Variants in STAG3 observed in about 807,000 individuals in gnomAD.
STAG3 encodes STAG3 cohesin complex component.
In STAG3, 101 loss-of-function variants were observed where a neutral mutation model predicts 160.7. The observed-to-expected ratio is 0.63, with a 90% confidence interval of 0.54 to 0.74. The LOEUF is 0.74. Among genes scored for constraint, STAG3 ranks in the 30% least tolerant of loss-of-function variants. The pLI, the probability that STAG3 is intolerant of heterozygous loss-of-function variation, is 0.00. For missense variants in STAG3, 1,188 were observed against 1,517.4 expected (o/e 0.78, Z 3.61); for synonymous variants, 519 against 585.0 (o/e 0.89, Z 1.63).
intron 29 of STAG3, among the ~76,000 whole-genome samples, chr7:100,208,194 T>C (rs898164795): frequency 2.0e-5 from 3 of 152,152 alleles, no homozygotes; most frequent in African/African-American, 7.2e-5. Flanking sequence ...GTATATAGTG[T>C]GAGATGAGGT....
At chr7:100,214,415 C>CTGA (rs1451263951), downstream of STAG3, 1 of 247,588 alleles carries the variant, frequency 4.0e-6, no homozygotes, top group Non-Finnish European at 7.9e-6. Context: ...GATCGTTAAA[C>CTGA]TGATGGAGGT....
At chr7:100,217,684 T>C (rs969871448), downstream of STAG3, among the ~76,000 whole-genome samples, 4 of 152,086 alleles carry the variant, frequency 2.6e-5, no homozygotes, top group African/African-American at 9.7e-5. Context: ...TATCGATAGA[T>C]AAGGTCACAT....
At chr7:100,185,462 C>T (rs1424917102) in intron 4 of STAG3, among the ~76,000 whole-genome samples, 2 of 151,762 alleles carry the variant, frequency 1.3e-5, no homozygotes, top group Admixed American at 6.6e-5. Flanking sequence ...ATTAGCCAGG[C>T]GTGGTGGCGC....
chr7:100,199,003 A>C, intron 14 of STAG3, 46 bp downstream of exon 14: 2 of 1,568,890 alleles, frequency 1.3e-6, no homozygotes, highest in Non-Finnish European at 1.8e-6. Context: ...TAGGACCTAC[A>C]AGTGGGCTGG....
chr7:100,210,171 A>G (rs1405665352), intron 29 of STAG3, among the ~76,000 whole-genome samples: 1 of 152,182 alleles, frequency 6.6e-6, no homozygotes, highest in Non-Finnish European at 1.5e-5. Context: ...TGGGGCCCCA[A>G]GGTTTCCTCT....
At chr7:100,188,778 A>G in intron 6 of STAG3, 34 bp from the exon 7 acceptor site, 1 of 1,609,604 alleles carries the variant, frequency 6.2e-7, no homozygotes, top group Non-Finnish European at 8.5e-7. Flanking sequence ...ACCTGGTAAT[A>G]ACTTTCCCAT....
Position 100,199,247 on chromosome 7 carries a change from C to T in STAG3, c.1468-15C>T. Reference sequence around the variant, plus strand: ...AACATGCTATCATTAACTCCCCATGCACGTTCTCCCCTAGCTCCATGACCA... The same window carrying T: ...AACATGCTATCATTAACTCCCCATGTACGTTCTCCCCTAGCTCCATGACCA... On this transcript the variant is annotated splice_polypyrimidine_tract_variant and intron_variant, in intron 14 of 33. Transcript: ENST00000615138. 1 of 1,561,000 alleles carries T rather than the reference C, an allele frequency of 6.4e-7. No individual in the cohort carries two copies. The highest frequency in any genetic ancestry group is 1.1e-5 in the South Asian group (1 of 90,068).
intron 17 of STAG3, 33 bp downstream of exon 17, chr7:100,200,361 A>T: frequency 6.2e-7 from 1 of 1,613,226 alleles, no homozygotes; most frequent in Non-Finnish European, 8.5e-7. Context: ...CATCACACCA[A>T]GAGAAGTGAA....
intron 25 of STAG3, 154 bp downstream of exon 25, chr7:100,202,744 G>A: frequency 1.0e-6 from 1 of 959,440 alleles, no homozygotes; most frequent in Non-Finnish European, 1.5e-6. Flanking sequence ...CAGAATAAGG[G>A]GACAAAGAAA....
Position 100,201,936 on chromosome 7 carries a change from A to G in STAG3, c.2302-13A>G, listed in dbSNP as rs1173220047. ...TGTCTTCATTCTTCCCCTTCAAGCC[A>G]CTGTGCCCACAGAAGCAGCTGTCGA... On this transcript the variant is annotated splice_polypyrimidine_tract_variant and intron_variant, in intron 22 of 33. Transcript: ENST00000615138. 24 of 1,614,020 alleles carry G rather than the reference A, an allele frequency of 1.5e-5. No individual in the cohort carries two copies. Among genetic ancestry groups the G allele is most frequent in the African/African-American group, 2.7e-5 (2 of 74,884 alleles).
chr7:100,198,766 C>T, intron 13 of STAG3, 77 bp from the exon 14 acceptor site: 2 of 1,358,874 alleles, frequency 1.5e-6, no homozygotes, highest in Non-Finnish European at 1.1e-6. Flanking sequence ...CTCCTTGGGC[C>T]ATCTCCTCCC....
intron 14 of STAG3, 45 bp downstream of exon 14, chr7:100,199,002 C>T (rs1283183655): frequency 1.9e-6 from 3 of 1,569,496 alleles, no homozygotes; most frequent in East Asian, 2.2e-5. Context: ...ATAGGACCTA[C>T]AAGTGGGCTG....
chr7:100,197,450 T>TAG (rs1800762495), intron 10 of STAG3, 171 bp downstream of exon 10: 5 of 934,004 alleles, frequency 5.4e-6, no homozygotes, highest in Non-Finnish European at 8.6e-6. Flanking sequence ...TAGGATAAGG[T>TAG]AGAGAGAGAC....
intron 1 of STAG3, 47 bp downstream of exon 1, chr7:100,178,052 G>A (rs1226828923): frequency 7.4e-6 from 1 of 135,016 alleles, no homozygotes. Context: ...CACTCTTCCA[G>A]GCTCTGACAG....
At position 100,204,715 on chromosome 7, in the gene STAG3, T is replaced by C. The variant is rs1325341233; in HGVS notation, c.2891T>C (p.Phe964Ser). The C allele has an allele frequency of 2.5e-6, 4 of 1,614,102 alleles. No homozygotes were observed. The highest frequency in any genetic ancestry group is 3.4e-6 in the Non-Finnish European group (4 of 1,180,006). Residue 964 changes from phenylalanine (F) to serine (S), a missense_variant, in exon 27 of 34, where the codon TTT (phenylalanine) becomes TCT (serine). By Grantham distance (155) the Phe-to-Ser change is radical (BLOSUM62 -2). Around this residue, in one of 4 missense-constraint regions of STAG3, gnomAD observed 647 missense variants for 717.2 expected, o/e 0.90. Transcript: ENST00000615138. ...GAGATGAGGGACCTGGCCCGGAGGT[T>C]TGCCTTGAGTTTTGGACCCCAGCAG... ...FIEMRDLARR[F>S]ALSFGPQQLQ...
Position 100,200,939 on chromosome 7 carries a change from C to T in STAG3, c.2031C>T (p.Arg677=). Reference sequence around the variant, plus strand: ...AGCTAGTAGATTTGCTGACTGACCGCTTCCAGCAGGAGCTTGAAGAGCTGT... The same window carrying T: ...AGCTAGTAGATTTGCTGACTGACCGTTTCCAGCAGGAGCTTGAAGAGCTGT... The part of the protein sequence containing the change: ...RSQLVDLLTD[R]FQQELEELLQ... The change falls in exon 19 of 34, where the codon CGC becomes CGT. Residue 677 remains arginine (R), a synonymous_variant. Transcript: ENST00000615138. 6.2e-7 allele frequency: 1 copy of T among 1,614,220 alleles called. No individual in the cohort carries two copies. The highest frequency in any genetic ancestry group is 2.2e-5 in the East Asian group (1 of 44,882).
At position 100,189,552 on chromosome 7, in the gene STAG3, A is replaced by C. The variant is rs555796250; in HGVS notation, c.823A>C (p.Arg275=). ...TGAAAGAAACAAGGGGCCAGGGCAG[A>C]GGGCACCTGAGCGGCTGGAGAGCCT... ...EAERNKGPGQ[R]APERLESLLE... Residue 275 remains arginine (R), a synonymous_variant, in exon 8 of 34, where the codon AGG becomes CGG. Coordinates refer to ENST00000615138, the MANE Select transcript of STAG3 (RefSeq NM_001282717.2). 2.5e-6 allele frequency: 4 copies of C among 1,614,158 alleles called. No homozygotes were observed. In the South Asian group the frequency reaches 3.3e-5, roughly 13 times the overall value.
chr7:100,214,626 C>T (rs1055430514), downstream of STAG3, among the ~76,000 whole-genome samples: 2 of 152,064 alleles, frequency 1.3e-5, no homozygotes, highest in Non-Finnish European at 2.9e-5. Context: ...GTTGTGCTGA[C>T]AGGTGGCAGA....
chr7:100,196,690 C>T (rs1800714359), intron 9 of STAG3, among the ~76,000 whole-genome samples: 1 of 152,090 alleles, frequency 6.6e-6, no homozygotes, highest in Non-Finnish European at 1.5e-5. Flanking sequence ...ACTCGGGAGG[C>T]TGAGGCAGGA....
Sources: allele counts gnomAD v4.1 joint callset (sites outside exome capture counted in the v4.1 genomes callset), GRCh38; gene constraint gnomAD v4.1.1; regional missense constraint gnomAD v4.1.1; transcripts MANE v1.5; gene names NCBI Gene and HGNC (gene_info 2026-07-23, HGNC 2026-07-21).